The following ACADL variants were observed in gnomAD, a reference collection of about 807,000 sequenced individuals.
ACADL encodes long-chain specific acyl-CoA dehydrogenase, mitochondrial.
In ACADL, 60 loss-of-function variants were observed where a neutral mutation model predicts 56.9. That is an observed-to-expected ratio of 1.05 (90% CI 0.86 to 1.31). The LOEUF (loss-of-function observed/expected upper bound fraction) is 1.31. Ranked by LOEUF, ACADL falls within the 50% of genes most tolerant of loss-of-function variation. ACADL has a pLI of 0.00. For missense variants in ACADL, 484 were observed against 525.5 expected (o/e 0.92, Z 0.77); for synonymous variants, 158 against 179.7 (o/e 0.88, Z 0.97).
In ACADL at chr2:210,188,916, A is replaced by T; in HGVS notation, c.*45T>A. ...GTTACATTTTATCTTGAGCAGATTT[A>T]AAACGAGATTAGCTGTAATAGGACT... On this transcript the variant is annotated 3_prime_UTR_variant, in exon 11 of 11. Coordinates refer to ENST00000233710, the MANE Select transcript of ACADL (RefSeq NM_001608.4). 1.4e-6 allele frequency: 2 copies of T among 1,387,272 alleles called. No individual in the cohort carries two copies. Among genetic ancestry groups the T allele is most frequent in the Non-Finnish European group, 2.1e-6 (2 of 973,288 alleles). 85.9% of individuals were successfully genotyped at this position (1,387,272 alleles called of 1,614,324 possible).
At chr2:210,195,711 T>G (rs2125709477) in intron 8 of ACADL, among the ~76,000 whole-genome samples, 1 of 152,290 alleles carries the variant, frequency 6.6e-6, no homozygotes, top group African/African-American at 2.4e-5. Context: ...TGCTTTTTCC[T>G]CCAGAGATTA....
At position 210,205,757 on chromosome 2, in the gene ACADL, C is replaced by A; in HGVS notation, c.643G>T (p.Val215Leu). ...SNGSLSDVVIVVAVTNHEAPS... is the reference protein window; with the variant it reads ...SNGSLSDVVILVAVTNHEAPS... ...GCTTCATGATTTGTGACCGCAACTA[C>A]AATCACAACATCACTTAATGACCCA... Residue 215 changes from valine (V) to leucine (L), a missense_variant, in exon 6 of 11, where the codon GTA (valine) becomes TTA (leucine). Physicochemically the swap from Val to Leu is conservative, Grantham distance 32 (BLOSUM62 1). Transcript: ENST00000233710. 4 of 1,614,026 alleles carry A rather than the reference C, an allele frequency of 2.5e-6. No individual in the cohort carries two copies. The highest frequency in any genetic ancestry group is 3.4e-6 in the Non-Finnish European group (4 of 1,179,964).
chr2:210,217,201 T>A (rs982340422), intron 3 of ACADL, among the ~76,000 whole-genome samples: 1 of 152,194 alleles, frequency 6.6e-6, no homozygotes. Context: ...TTTGGAGAAC[T>A]GTGACCTAAC....
intron 3 of ACADL, chr2:210,217,614 T>C (rs1689107530): frequency 5.6e-6 from 1 of 178,306 alleles, no homozygotes; most frequent in Non-Finnish European, 1.2e-5. Context: ...TTTGTTCTTG[T>C]ATATTAAATT....
At position 210,192,903 on chromosome 2, in the gene ACADL, A is replaced by G. The variant is rs993976985; in HGVS notation, c.1113-13T>C. 6.2e-7 allele frequency: 1 copy of G among 1,601,936 alleles called. No homozygotes were observed. Among genetic ancestry groups the G allele is most frequent in the Admixed American group, 1.7e-5 (1 of 59,996 alleles). On this transcript the variant is annotated splice_polypyrimidine_tract_variant and intron_variant, in intron 9 of 10. Coordinates refer to ENST00000233710, the MANE Select transcript of ACADL (RefSeq NM_001608.4). The stretch of plus-strand genomic sequence containing the variant: ...TAACTCAGATGCCCTAAATGACCAA[A>G]ATAAAAGGCAGAAAAGAAATGTTTG...
Position 210,225,360 on chromosome 2 carries a change from C to G in ACADL, c.-97G>C. 2.2e-6 allele frequency: 3 copies of G among 1,371,302 alleles called. No homozygotes were observed. Among genetic ancestry groups the G allele is most frequent in the Non-Finnish European group, 3.0e-6 (3 of 1,008,766 alleles). The allele number at this position is 1,371,302 out of a possible 1,614,324, so 84.9% of individuals were successfully genotyped here. ...CGGGAGGGAGGACGATCAGCTGAGGCGTCCACCTGTGGTGTCCTCCCAAAA... is the reference window on the plus strand; with the variant it reads ...CGGGAGGGAGGACGATCAGCTGAGGGGTCCACCTGTGGTGTCCTCCCAAAA... On this transcript the variant is annotated 5_prime_UTR_variant, in exon 1 of 11. Coordinates refer to ENST00000233710, the MANE Select transcript of ACADL (RefSeq NM_001608.4).
At chr2:210,203,522 C>A (rs1688833104) in intron 7 of ACADL, 78 bp from the exon 8 acceptor site, 2 of 866,042 alleles carry the variant, frequency 2.3e-6, no homozygotes, top group Non-Finnish European at 3.7e-6. Flanking sequence ...TACGATAAAT[C>A]CTATAAATTA....
In ACADL at chr2:210,203,359, G is replaced by C. The variant is rs1247727498; in HGVS notation, c.956C>G (p.Ala319Gly). 2 of 1,613,284 alleles carry C rather than the reference G, an allele frequency of 1.2e-6. No homozygotes were observed. Among genetic ancestry groups the C allele is most frequent in the Non-Finnish European group, 1.7e-6 (2 of 1,179,666 alleles). ...ETRNYVKQRK[A>G]FGKTVAHLQT... ...TAGGTGAGCAACTGTTTTGCCAAAA[G>C]CTTTTCTTTGTTTAACATAGTTCCT... Residue 319 changes from alanine to glycine, a missense_variant, in exon 8 of 11, where the codon GCT becomes GGT. Ala to Gly is a moderately conservative substitution (Grantham distance 60). Coordinates refer to ENST00000233710, the MANE Select transcript of ACADL (RefSeq NM_001608.4).
chr2:210,201,164 G>C (rs1424879574), intron 8 of ACADL, among the ~76,000 whole-genome samples: 1 of 152,196 alleles, frequency 6.6e-6, no homozygotes, highest in Non-Finnish European at 1.5e-5. Flanking sequence ...AGCCTCTCCT[G>C]TTCCTGTGTG....
At chr2:210,217,101 C>G (rs1689100523) in intron 3 of ACADL, among the ~76,000 whole-genome samples, 1 of 151,866 alleles carries the variant, frequency 6.6e-6, no homozygotes, top group African/African-American at 2.4e-5. Context: ...ATATTTTAAT[C>G]TTAAATAGCT....
chr2:210,199,309 T>A (rs1688758232), intron 8 of ACADL, among the ~76,000 whole-genome samples: 1 of 152,106 alleles, frequency 6.6e-6, no homozygotes, highest in Non-Finnish European at 1.5e-5. Flanking sequence ...TAAACTTACT[T>A]GGAAAACAAT....
intron 8 of ACADL, among the ~76,000 whole-genome samples, chr2:210,202,045 T>G (rs1469460357): frequency 1.3e-5 from 2 of 152,180 alleles, no homozygotes; most frequent in Non-Finnish European, 2.9e-5. Context: ...CATGCCTCCT[T>G]CACTCACCTG....
At chr2:210,218,200 C>A in intron 2 of ACADL, 98 bp from the exon 3 acceptor site, 3 of 1,163,502 alleles carry the variant, frequency 2.6e-6, no homozygotes, top group Non-Finnish European at 3.7e-6. Context: ...GAAATGCATT[C>A]TTAATTTAAG....
chr2:210,193,494 G>A (rs1030167974), intron 9 of ACADL, among the ~76,000 whole-genome samples: 54 of 151,966 alleles, frequency 3.6e-4, no homozygotes, highest in African/African-American at 1.3e-3. Flanking sequence ...GTATGTATTA[G>A]TATTATATAT....
chr2:210,190,730 AAGC>A (rs1296064168), intron 10 of ACADL, among the ~76,000 whole-genome samples: 1 of 152,092 alleles, frequency 6.6e-6, no homozygotes, highest in Non-Finnish European at 1.5e-5. Flanking sequence ...CAAAATAAAA[AAGC>A]AGAGAAAACA....
chr2:210,216,518 A>AT lies in ACADL; in HGVS notation c.372-8dup, dbSNP rs545058005. On this transcript the variant is annotated splice_polypyrimidine_tract_variant and splice_region_variant and intron_variant, in intron 3 of 10. Transcript: ENST00000233710. ...TGAACAATTTGAATAAGCTCTTAGAATGAAAAAAGAAGAAAAATTAGAGCA... is the reference window on the plus strand; with the variant it reads ...TGAACAATTTGAATAAGCTCTTAGAATTGAAAAAAGAAGAAAAATTAGAGCA... The AT allele has an allele frequency of 5.6e-4, 902 of 1,611,520 alleles. 2 individuals carry two copies. In the African/African-American group the frequency reaches 0.011, roughly 20 times the overall value.
intron 5 of ACADL, among the ~76,000 whole-genome samples, chr2:210,207,103 T>C (rs746740162): frequency 2.0e-5 from 3 of 152,230 alleles, no homozygotes; most frequent in Non-Finnish European, 2.9e-5. Context: ...CTTAATACTT[T>C]TGGAATTTAT....
At chr2:210,210,693 C>A (rs932588767) in intron 4 of ACADL, among the ~76,000 whole-genome samples, 5 of 152,166 alleles carry the variant, frequency 3.3e-5, no homozygotes, top group Non-Finnish European at 4.4e-5. Context: ...TGCCTATAAT[C>A]CCAGCACCTT....
chr2:210,216,270 CTA>C (rs1386865638), intron 4 of ACADL, 75 bp downstream of exon 4: 3 of 1,502,794 alleles, frequency 2.0e-6, no homozygotes, highest in Non-Finnish European at 2.8e-6. Context: ...ATAGCTCAGT[CTA>C]TGTATTAACC....
Sources: gnomAD v4.1 joint callset for allele counts (sites outside exome capture counted in the v4.1 genomes callset) on GRCh38, gnomAD v4.1.1 for gene constraint, MANE v1.5 for transcripts, NCBI Gene and HGNC (gene_info 2026-07-23, HGNC 2026-07-21) for gene names.